PPM1H: variants seen among roughly 807,000 people sequenced by gnomAD.
PPM1H encodes protein phosphatase 1H.
Under a neutral mutation model 54.9 loss-of-function variants are expected in PPM1H, and 27 were observed. That is an observed-to-expected ratio of 0.49 (90% CI 0.36 to 0.68). PPM1H has a LOEUF of 0.68. Among genes scored for constraint, PPM1H ranks in the 30% least tolerant of loss-of-function variants. PPM1H has a pLI of 0.00. For synonymous variants in PPM1H, 305 were observed against 270.8 expected (o/e 1.13, Z -1.24); for missense variants, 596 against 667.8 (o/e 0.89, Z 1.19).
chr12:62,875,561 G>A (rs1207358578), intron 1 of PPM1H, among the ~76,000 whole-genome samples: 1 of 152,144 alleles, frequency 6.6e-6, no homozygotes, highest in Non-Finnish European at 1.5e-5. Flanking sequence ...AAAATACCAT[G>A]AATATTTTTC....
Position 62,644,947 on chromosome 12 carries a change from T to TAACA in PPM1H, c.*3538_*3541dup, listed in dbSNP as rs2075777123. The TAACA allele has an allele frequency of 6.6e-6, 1 of 152,214 alleles. No homozygotes were observed. The highest frequency in any genetic ancestry group is 6.5e-5 in the Admixed American group (1 of 15,284). The allele number at this position is 152,214 out of a possible 1,614,324, so 9.4% of individuals were successfully genotyped here. ...CTGAAAATAGAATCTCATCAAAGCT[T>TAACA]AACATATTCACTCTGAAAACAGCGG... On this transcript the variant is annotated 3_prime_UTR_variant, in exon 10 of 10. Coordinates refer to ENST00000228705, the MANE Select transcript of PPM1H (RefSeq NM_020700.2).
intron 6 of PPM1H, 66 bp from the exon 7 acceptor site, chr12:62,694,065 C>G (rs969543795): frequency 7.2e-7 from 1 of 1,388,632 alleles, no homozygotes; most frequent in Non-Finnish European, 1.0e-6. Context: ...GCCCTGACAC[C>G]GACTGCTAGG....
At chr12:62,810,816 A>G (rs931251512) in intron 2 of PPM1H, among the ~76,000 whole-genome samples, 1 of 152,176 alleles carries the variant, frequency 6.6e-6, no homozygotes, top group Non-Finnish European at 1.5e-5. Flanking sequence ...TCTCAACTCC[A>G]TTTCCTTATT....
intron 1 of PPM1H, among the ~76,000 whole-genome samples, chr12:62,927,832 A>G (rs1412983167): frequency 6.6e-6 from 1 of 152,118 alleles, no homozygotes; most frequent in Non-Finnish European, 1.5e-5. Flanking sequence ...ACCAAATCTA[A>G]AATACTAACA....
chr12:62,873,597 C>A (rs1185010686), intron 1 of PPM1H, among the ~76,000 whole-genome samples: 1 of 152,200 alleles, frequency 6.6e-6, no homozygotes, highest in Admixed American at 6.5e-5. Context: ...GATCAGAGCC[C>A]AGATCCATGT....
intron 1 of PPM1H, among the ~76,000 whole-genome samples, chr12:62,887,997 C>A (rs755893926): frequency 6.6e-6 from 1 of 152,046 alleles, no homozygotes; most frequent in African/African-American, 2.4e-5. Context: ...CAAGCATGAG[C>A]GACATGATCT....
intron 4 of PPM1H, among the ~76,000 whole-genome samples, chr12:62,738,428 C>T (rs910270865): frequency 2.0e-5 from 3 of 152,052 alleles, no homozygotes; most frequent in African/African-American, 7.2e-5. Context: ...AAAAGTGTAT[C>T]TAAGAGCTAT....
chr12:62,934,718 A>G lies in PPM1H; in HGVS notation c.19T>C (p.Ser7Pro). The G allele has an allele frequency of 6.2e-7, 1 of 1,603,454 alleles. No homozygotes were observed. The highest frequency in any genetic ancestry group is 8.5e-7 in the Non-Finnish European group (1 of 1,174,254). MLTRVK[S>P]AVANFMGGIM... is the part of the protein sequence containing the mutation. ...CCGCCCATGAAATTGGCCACGGCAG[A>G]TTTCACTCGAGTGAGCATATTACTC... The change falls in exon 1 of 10, where the codon TCT (serine) becomes CCT (proline). Residue 7 changes from serine (S) to proline (P), a missense_variant. By Grantham distance (74) the Ser-to-Pro change is moderately conservative (BLOSUM62 -1). This residue lies in a region of PPM1H where 382 missense variants were observed against 387.1 expected (regional missense o/e 0.99). Transcript: ENST00000228705. This position sits in a 1 kb window ranked among gnomAD's most constrained non-coding sequence, Gnocchi z 4.2.
At chr12:62,818,905 C>T (rs1352447477) in intron 2 of PPM1H, among the ~76,000 whole-genome samples, 2 of 149,460 alleles carry the variant, frequency 1.3e-5, no homozygotes, top group Admixed American at 6.7e-5. Context: ...ACTGTAACCT[C>T]CACCTCCTGG....
At chr12:62,760,331 C>T (rs2076501011) in intron 4 of PPM1H, among the ~76,000 whole-genome samples, 1 of 152,188 alleles carries the variant, frequency 6.6e-6, no homozygotes, top group African/African-American at 2.4e-5. Flanking sequence ...CCTGTCCCTT[C>T]AGTCCCAACC....
At chr12:62,671,740 C>G (rs372574380) in intron 8 of PPM1H, among the ~76,000 whole-genome samples, 1 of 152,172 alleles carries the variant, frequency 6.6e-6, no homozygotes, top group East Asian at 1.9e-4. Context: ...ACCTCCCCAA[C>G]CTTCTTTTGG....
chr12:62,894,713 C>T (rs1427533526), intron 1 of PPM1H, among the ~76,000 whole-genome samples: 1 of 152,160 alleles, frequency 6.6e-6, no homozygotes, highest in Non-Finnish European at 1.5e-5. Flanking sequence ...GATGTAATGC[C>T]TATCCTATTT....
chr12:62,903,063 C>T (rs77170354), intron 1 of PPM1H, among the ~76,000 whole-genome samples: 2,221 of 152,144 alleles, frequency 0.015, 46 homozygotes, highest in African/African-American at 0.05. Context: ...CCAATATGGA[C>T]AACTCACTAT....
chr12:62,655,201 G>GACTC (rs1315655826), intron 9 of PPM1H, among the ~76,000 whole-genome samples: 2 of 152,142 alleles, frequency 1.3e-5, no homozygotes, highest in African/African-American at 4.8e-5. Context: ...CAACCCCGGG[G>GACTC]ACTCAGCTCT....
intron 1 of PPM1H, among the ~76,000 whole-genome samples, chr12:62,908,660 G>A (rs957837942): frequency 2.6e-5 from 4 of 152,242 alleles, no homozygotes; most frequent in South Asian, 2.1e-4. Flanking sequence ...GCAACCACCC[G>A]AAGGAATGGA....
chr12:62,808,649 A>T (rs2076819216), intron 2 of PPM1H, among the ~76,000 whole-genome samples: 1 of 152,058 alleles, frequency 6.6e-6, no homozygotes, highest in South Asian at 2.1e-4. Context: ...AGCTCATCAC[A>T]AACCACTAAC....
At chr12:62,858,062 T>TACCACC (rs144385020) in intron 1 of PPM1H, among the ~76,000 whole-genome samples, 5 of 151,566 alleles carry the variant, frequency 3.3e-5, no homozygotes, top group Admixed American at 1.3e-4. Context: ...AATGGACCAT[T>TACCACC]ACCACCACCA....
At chr12:62,722,358 C>G (rs962069551) in intron 5 of PPM1H, among the ~76,000 whole-genome samples, 3 of 152,220 alleles carry the variant, frequency 2.0e-5, no homozygotes, top group Admixed American at 2.0e-4. Context: ...TCTTACTCCC[C>G]AACAATTTTA....
At chr12:62,803,048 G>A (rs1167863720) in intron 2 of PPM1H, among the ~76,000 whole-genome samples, 1 of 152,070 alleles carries the variant, frequency 6.6e-6, no homozygotes. Flanking sequence ...ATCTTTCTTG[G>A]TCTACATCCT....
Sources: gnomAD v4.1 joint callset for allele counts (sites outside exome capture counted in the v4.1 genomes callset) on GRCh38, gnomAD v4.1.1 for gene constraint, gnomAD v4.1.1 regional missense constraint, Gnocchi (gnomAD v3.1) non-coding constraint, MANE v1.5 for transcripts, NCBI Gene and HGNC (gene_info 2026-07-23, HGNC 2026-07-21) for gene names.